Variants in RPS6KC1 observed in about 807,000 individuals in gnomAD.
The protein encoded by RPS6KC1 is inactive ribosomal protein S6 kinase delta-1.
In RPS6KC1, 54 loss-of-function variants were observed where a neutral mutation model predicts 103.8. The ratio of observed to expected loss-of-function variants is 0.52; its 90% CI spans 0.42 to 0.65. The LOEUF is 0.65. Ranked by LOEUF, RPS6KC1 falls within the 30% of genes least tolerant of loss-of-function variation. The pLI is 0.00. For missense variants in RPS6KC1, 1,151 were observed against 1,253.8 expected (o/e 0.92, Z 1.24); for synonymous variants, 439 against 438.7 (o/e 1.00, Z -0.01).
chr1:213,151,455 G>A (rs1572861277), intron 6 of RPS6KC1, among the ~76,000 whole-genome samples: 1 of 138,676 alleles, frequency 7.2e-6, no homozygotes, highest in Non-Finnish European at 1.6e-5. Context: ...CGGATGGGGC[G>A]GCTGGCCGGG....
chr1:213,519,760 C>T, the RPS6KC1 span, among the ~76,000 whole-genome samples: 3 of 152,194 alleles, frequency 2.0e-5, no homozygotes, highest in Non-Finnish European at 2.9e-5. Flanking sequence ...CACATGGTAA[C>T]CACTGGATAC....
chr1:213,306,175 T>C, the RPS6KC1 span, among the ~76,000 whole-genome samples: 1 of 152,172 alleles, frequency 6.6e-6, no homozygotes, highest in Non-Finnish European at 1.5e-5. Flanking sequence ...GTACAGAAAG[T>C]TAAGCATTCT....
At chr1:213,171,650 T>C (rs1193814140) in intron 7 of RPS6KC1, among the ~76,000 whole-genome samples, 1 of 152,216 alleles carries the variant, frequency 6.6e-6, no homozygotes, top group Non-Finnish European at 1.5e-5. Flanking sequence ...ACAACTGATA[T>C]AATATTGCAA....
the RPS6KC1 span, among the ~76,000 whole-genome samples, chr1:213,305,867 C>CT: frequency 6.6e-6 from 1 of 152,220 alleles, no homozygotes; most frequent in Non-Finnish European, 1.5e-5. Context: ...CATCGACTGA[C>CT]TTGACCCTGT....
At chr1:213,221,030 C>T (rs1573401072) in intron 8 of RPS6KC1, among the ~76,000 whole-genome samples, 1 of 152,088 alleles carries the variant, frequency 6.6e-6, no homozygotes. Flanking sequence ...CCCAGAAAAA[C>T]AGGCCTTTCA....
chr1:213,078,689 A>T (rs576723022), intron 3 of RPS6KC1, among the ~76,000 whole-genome samples: 1 of 152,330 alleles, frequency 6.6e-6, no homozygotes, highest in Admixed American at 6.5e-5. Context: ...GGCATGAGCC[A>T]CTGTGCCCGG....
the RPS6KC1 span, among the ~76,000 whole-genome samples, chr1:213,535,796 C>G: frequency 1.8e-4 from 28 of 152,112 alleles, no homozygotes; most frequent in Non-Finnish European, 4.0e-4. Flanking sequence ...TCCTGTGGCT[C>G]TCTTTTAGGC....
chr1:213,735,016 TG>T, the RPS6KC1 span, among the ~76,000 whole-genome samples: 1 of 152,128 alleles, frequency 6.6e-6, no homozygotes, highest in Non-Finnish European at 1.5e-5. Context: ...CTCCACCTCC[TG>T]GGTTCACGCC....
At chr1:213,732,410 G>C in the RPS6KC1 span, among the ~76,000 whole-genome samples, 1 of 151,568 alleles carries the variant, frequency 6.6e-6, no homozygotes, top group African/African-American at 2.4e-5. Flanking sequence ...TTGTCTTGTT[G>C]ATTAGTTGTA....
chr1:213,415,321 G>A, the RPS6KC1 span, among the ~76,000 whole-genome samples: 2 of 152,214 alleles, frequency 1.3e-5, no homozygotes, highest in African/African-American at 4.8e-5. Flanking sequence ...TTGAAAGTGG[G>A]ATCTGGAAAG....
the RPS6KC1 span, among the ~76,000 whole-genome samples, chr1:213,421,121 T>TTTTGTTTG: frequency 2.6e-5 from 4 of 152,188 alleles, no homozygotes; most frequent in Non-Finnish European, 4.4e-5. Context: ...TGTTTGGTTT[T>TTTTGTTTG]TTTGTTTGTT....
intron 1 of RPS6KC1, among the ~76,000 whole-genome samples, chr1:213,054,106 G>T (rs1445343219): frequency 6.6e-6 from 1 of 152,102 alleles, no homozygotes; most frequent in African/African-American, 2.4e-5. Flanking sequence ...AAAGTGCTGG[G>T]ATTACAGGCG....
At chr1:213,401,412 A>G in the RPS6KC1 span, among the ~76,000 whole-genome samples, 1 of 152,160 alleles carries the variant, frequency 6.6e-6, no homozygotes, top group African/African-American at 2.4e-5. Flanking sequence ...TTCCACTGAC[A>G]CCCAGATGTT....
chr1:213,495,637 A>G, the RPS6KC1 span, among the ~76,000 whole-genome samples: 1 of 152,164 alleles, frequency 6.6e-6, no homozygotes, highest in Non-Finnish European at 1.5e-5. Context: ...TGCCCATTTT[A>G]CAGATGGGGA....
chr1:213,119,555 AT>A (rs1276751316), intron 5 of RPS6KC1, among the ~76,000 whole-genome samples: 2 of 146,262 alleles, frequency 1.4e-5, no homozygotes, highest in South Asian at 2.2e-4. Flanking sequence ...TCTTTTCTCT[AT>A]TTTTTTGATA....
intron 7 of RPS6KC1, among the ~76,000 whole-genome samples, chr1:213,176,062 C>T (rs2091843438): frequency 6.6e-6 from 1 of 152,026 alleles, no homozygotes; most frequent in African/African-American, 2.4e-5. Context: ...GATTGTTGGC[C>T]CAGTTATCCA....
the RPS6KC1 span, among the ~76,000 whole-genome samples, chr1:213,830,750 T>C: frequency 4.6e-5 from 7 of 152,120 alleles, no homozygotes; most frequent in Non-Finnish European, 1.0e-4. Context: ...CTAGATATTC[T>C]ATTTTAGTCA....
intron 6 of RPS6KC1, among the ~76,000 whole-genome samples, chr1:213,137,905 G>T (rs1404055763): frequency 6.9e-6 from 1 of 144,266 alleles, no homozygotes; most frequent in African/African-American, 2.5e-5. Context: ...ACAATAGGGG[G>T]CCCTGGGAGT....
At chr1:213,664,769 A>C in the RPS6KC1 span, among the ~76,000 whole-genome samples, 1 of 152,106 alleles carries the variant, frequency 6.6e-6, no homozygotes, top group Non-Finnish European at 1.5e-5. Context: ...AATAATTAAG[A>C]TCTTTAGTAT....
Sources: gnomAD v4.1 joint callset for allele counts (sites outside exome capture counted in the v4.1 genomes callset) on GRCh38, gnomAD v4.1.1 for gene constraint, MANE v1.5 for transcripts, NCBI Gene and HGNC (gene_info 2026-07-23, HGNC 2026-07-21) for gene names.